CNTNAP2: variants seen among roughly 807,000 people sequenced by gnomAD.
CNTNAP2 encodes the protein contactin associated protein 2, also known as contactin-associated protein-like 2.
Under a neutral mutation model 155.2 loss-of-function variants are expected in CNTNAP2, and 98 were observed. The observed-to-expected ratio is 0.63, with a 90% CI of 0.54 to 0.75. The LOEUF is 0.75. CNTNAP2 is among the 30% of genes least tolerant of loss of function. The pLI is 0.00. For missense variants in CNTNAP2, 1,727 were observed against 1,688.1 expected, an observed-to-expected ratio of 1.02 and a Z score of -0.40; for synonymous variants, 651 against 631.2, an observed-to-expected ratio of 1.03 and a Z score of -0.47.
intron 1 of CNTNAP2, among the ~76,000 whole-genome samples, chr7:146,614,746 A>G (rs762097680): frequency 5.9e-5 from 9 of 152,184 alleles, no homozygotes; most frequent in African/African-American, 9.6e-5. Flanking sequence ...CTCAGTTGCA[A>G]TGTACTGTAA....
At chr7:146,331,095 G>C (rs1584872671) in intron 1 of CNTNAP2, among the ~76,000 whole-genome samples, 1 of 151,994 alleles carries the variant, frequency 6.6e-6, no homozygotes, top group South Asian at 2.1e-4. Context: ...ACGAGGTCAG[G>C]AGATCGAGAC....
intron 15 of CNTNAP2, among the ~76,000 whole-genome samples, chr7:148,081,620 G>C (rs546898996): frequency 7.2e-5 from 11 of 151,878 alleles, no homozygotes; most frequent in South Asian, 6.3e-4. Context: ...GTAATCATGT[G>C]AGTTAATATT....
chr7:147,347,753 A>G (rs1262321751), intron 9 of CNTNAP2, among the ~76,000 whole-genome samples: 1 of 152,042 alleles, frequency 6.6e-6, no homozygotes, highest in Admixed American at 6.6e-5. Context: ...AAAATGCCAG[A>G]GGCTTTGCGT....
At chr7:147,357,917 A>T (rs1314342462) in intron 9 of CNTNAP2, among the ~76,000 whole-genome samples, 2 of 152,122 alleles carry the variant, frequency 1.3e-5, no homozygotes, top group Non-Finnish European at 2.9e-5. Context: ...AGAATGAAAA[A>T]CAAAAAGTAA....
chr7:148,106,972 C>A (rs991783969), intron 15 of CNTNAP2, among the ~76,000 whole-genome samples: 3 of 152,006 alleles, frequency 2.0e-5, no homozygotes, highest in Admixed American at 6.6e-5. Context: ...CCCCGGTAGA[C>A]CTAGGATTAC....
At chr7:146,501,787 G>A (rs1007263980) in intron 1 of CNTNAP2, among the ~76,000 whole-genome samples, 26 of 152,066 alleles carry the variant, frequency 1.7e-4, no homozygotes, top group African/African-American at 6.3e-4. Flanking sequence ...TAAATCTAAT[G>A]ACAAGTGTCA....
At chr7:147,945,546 A>G (rs1253260021) in intron 14 of CNTNAP2, among the ~76,000 whole-genome samples, 1 of 152,144 alleles carries the variant, frequency 6.6e-6, no homozygotes, top group African/African-American at 2.4e-5. Flanking sequence ...TATTTGGGAC[A>G]GTAGAAGGAA....
At chr7:147,180,017 C>T (rs1802422255) in intron 8 of CNTNAP2, among the ~76,000 whole-genome samples, 1 of 152,086 alleles carries the variant, frequency 6.6e-6, no homozygotes, top group Non-Finnish European at 1.5e-5. Flanking sequence ...AGAAGCCAAA[C>T]TTGATGAGTC....
chr7:147,559,867 A>C (rs868148594), intron 11 of CNTNAP2, among the ~76,000 whole-genome samples: 1,599 of 40,740 alleles, frequency 0.039, 33 homozygotes, highest in African/African-American at 0.12. Flanking sequence ...GCCGATCTTA[A>C]AAAAAAAAAA....
At chr7:146,865,037 T>C (rs1795177276) in intron 3 of CNTNAP2, among the ~76,000 whole-genome samples, 1 of 145,300 alleles carries the variant, frequency 6.9e-6, no homozygotes. Context: ...AGGCAACAGG[T>C]TATAAGATTA....
rs576189988 is a variant in CNTNAP2 at position 148,324,857 on chromosome 7, T to C, written c.3475+57731T>C. On this transcript the variant is annotated intron_variant, in intron 21 of 23. Transcript: ENST00000361727. ...TACTATGCTAGATACCCAGCACCCA[T>C]AACAGTGTCAGACACATAGGACATG... 3.3e-5 allele frequency among the ~76,000 whole-genome samples: 5 copies of C among 149,404 alleles called. No individual in the cohort carries two copies. In the South Asian group the frequency reaches 1.1e-3, roughly 32 times the overall value.
At chr7:147,011,555 G>A (rs1798625129) in intron 3 of CNTNAP2, among the ~76,000 whole-genome samples, 1 of 151,866 alleles carries the variant, frequency 6.6e-6, no homozygotes, top group African/African-American at 2.4e-5. Context: ...GGTATTGTTG[G>A]GGCTCAGAAA....
At chr7:146,233,643 G>A (rs1799422956) in intron 1 of CNTNAP2, among the ~76,000 whole-genome samples, 1 of 152,008 alleles carries the variant, frequency 6.6e-6, no homozygotes, top group South Asian at 2.1e-4. Context: ...AGTCCCCAGA[G>A]TGTGATGTTC....
intron 13 of CNTNAP2, among the ~76,000 whole-genome samples, chr7:147,737,725 C>A (rs994786773): frequency 6.6e-6 from 1 of 152,202 alleles, no homozygotes; most frequent in Non-Finnish European, 1.5e-5. Flanking sequence ...TGGCGGGCAC[C>A]CCTCCCCCAG....
At chr7:147,331,289 G>A (rs1243572445) in intron 9 of CNTNAP2, among the ~76,000 whole-genome samples, 1 of 152,068 alleles carries the variant, frequency 6.6e-6, no homozygotes, top group Admixed American at 6.6e-5. Flanking sequence ...CAGGATCGCT[G>A]GCTTGGACGA....
chr7:147,281,889 T>C (rs1805042934), intron 8 of CNTNAP2, among the ~76,000 whole-genome samples: 1 of 151,836 alleles, frequency 6.6e-6, no homozygotes, highest in African/African-American at 2.4e-5. Context: ...GACTATGACC[T>C]GTGTGATCAT....
At chr7:147,955,945 G>T (rs1391946959) in intron 14 of CNTNAP2, among the ~76,000 whole-genome samples, 1 of 152,152 alleles carries the variant, frequency 6.6e-6, no homozygotes, top group African/African-American at 2.4e-5. Flanking sequence ...TAACAGAGGT[G>T]CTATTTATAG....
rs1475894025 is a variant in CNTNAP2, at chr7:148,386,183, A to AGTG, written c.3715+2296_3715+2298dup. 5.3e-5 allele frequency among the ~76,000 whole-genome samples: 8 copies of AGTG among 152,196 alleles called. No individual in the cohort carries two copies. The South Asian group carries it at 6.2e-4, about 12-fold the overall frequency. On this transcript the variant is annotated intron_variant, in intron 22 of 23. Coordinates refer to ENST00000361727, the MANE Select transcript of CNTNAP2 (RefSeq NM_014141.6). The stretch of plus-strand genomic sequence containing the variant: ...ACTTACACTTGGAGAGTTCTTACCC[A>AGTG]GTGTCCAGCAGATGAAGTATTAATG...
intron 19 of CNTNAP2, among the ~76,000 whole-genome samples, chr7:148,228,955 A>G (rs533117780): frequency 1.3e-5 from 2 of 151,766 alleles, no homozygotes; most frequent in South Asian, 2.1e-4. Flanking sequence ...TTTATTTCAC[A>G]TAGTGTTTCG....
Sources: gnomAD v4.1 joint callset for allele counts (sites outside exome capture counted in the v4.1 genomes callset) on GRCh38, gnomAD v4.1.1 for gene constraint, MANE v1.5 for transcripts, NCBI Gene and HGNC (gene_info 2026-07-23, HGNC 2026-07-21) for gene names.